SLC25A12: variants seen among roughly 807,000 people sequenced by gnomAD.
The protein encoded by SLC25A12 is electrogenic aspartate/glutamate antiporter SLC25A12, mitochondrial.
In SLC25A12, 32 loss-of-function variants were observed where a neutral mutation model predicts 83.3. The observed-to-expected ratio is 0.38, with a 90% CI of 0.29 to 0.52. The LOEUF is 0.52. Among genes scored for constraint, SLC25A12 ranks in the 20% least tolerant of loss-of-function variants. The pLI, the probability that SLC25A12 is intolerant of heterozygous loss-of-function variation, is 0.84. For missense variants in SLC25A12, 611 were observed against 835.6 expected (o/e 0.73, Z 3.31); for synonymous variants, 267 against 291.1 (o/e 0.92, Z 0.84).
intron 3 of SLC25A12, among the ~76,000 whole-genome samples, chr2:171,863,866 A>G (rs949302599): frequency 5.3e-5 from 8 of 152,356 alleles, no homozygotes; most frequent in East Asian, 3.9e-4. Flanking sequence ...GTGATTTATC[A>G]GTTGATATAT....
At chr2:171,816,803 C>T (rs906772992) in intron 9 of SLC25A12, among the ~76,000 whole-genome samples, 1 of 152,174 alleles carries the variant, frequency 6.6e-6, no homozygotes, top group Admixed American at 6.5e-5. Context: ...TCTGTCCTTT[C>T]AAGGCAATGA....
intron 13 of SLC25A12, among the ~76,000 whole-genome samples, chr2:171,795,758 C>CT (rs1042249943): frequency 2.0e-5 from 3 of 151,908 alleles, no homozygotes; most frequent in Non-Finnish European, 4.4e-5. Flanking sequence ...GGCAGGAGTA[C>CT]TCCAATCCGT....
At position 171,875,246 on chromosome 2, in the gene SLC25A12, G is replaced by C. The variant is rs564389252; in HGVS notation, c.67-6423C>G. Among the ~76,000 whole-genome samples, 766 of 152,324 alleles carry C rather than the reference G, an allele frequency of 5.0e-3. 4 individuals are homozygous for C. Among genetic ancestry groups the C allele is most frequent in the Non-Finnish European group, 9.3e-3 (635 of 68,034 alleles). On this transcript the variant is annotated intron_variant, in intron 2 of 17. Transcript: ENST00000422440. ...GGGAACCTCTAGGAAGTATTTGGACGCGAGAAGTTTCTGTATCCAGGCCCT... is the reference window on the plus strand; with the variant it reads ...GGGAACCTCTAGGAAGTATTTGGACCCGAGAAGTTTCTGTATCCAGGCCCT...
At chr2:171,804,596 G>T (rs1683783551) in intron 13 of SLC25A12, among the ~76,000 whole-genome samples, 1 of 152,172 alleles carries the variant, frequency 6.6e-6, no homozygotes, top group Non-Finnish European at 1.5e-5. Context: ...TGGTGAATTT[G>T]TAAAAACAGA....
intron 4 of SLC25A12, among the ~76,000 whole-genome samples, chr2:171,847,020 A>G (rs1328522276): frequency 6.6e-6 from 1 of 152,110 alleles, no homozygotes; most frequent in African/African-American, 2.4e-5. Flanking sequence ...CAGAAGTGTC[A>G]TTTTCCATGA....
rs189487199 is a variant in SLC25A12 at position 171,837,934 on chromosome 2, C to T, written c.466-667G>A. Among the ~76,000 whole-genome samples, 194 of 152,310 alleles carry T rather than the reference C, an allele frequency of 1.3e-3. 2 individuals carry two copies. Among genetic ancestry groups the T allele is most frequent in the African/African-American group, 4.4e-3 (182 of 41,570 alleles). On this transcript the variant is annotated intron_variant, in intron 5 of 17. Coordinates refer to ENST00000422440, the MANE Select transcript of SLC25A12 (RefSeq NM_003705.5). The stretch of plus-strand genomic sequence containing the variant: ...TAAGACAGTCCAGAATATCTCTGAA[C>T]TTTTGAACTATTGGGCAACCAAACT...
At position 171,793,749 on chromosome 2, in the gene SLC25A12, T is replaced by C. The variant is rs776760815; in HGVS notation, c.1324A>G (p.Ile442Val). 2.5e-6 allele frequency: 4 copies of C among 1,613,948 alleles called. No individual in the cohort carries two copies. In the East Asian group the frequency reaches 6.7e-5, roughly 27 times the overall value. ...AGGCAGGSQV[I>V]FTNPLEIVKI... ...ACTATCTCCAATGGGTTGGTAAAAA[T>C]GACCTGAGAGCCTCCAGCCTGTAGG... The change falls in exon 14 of 18, where the codon ATT (isoleucine) becomes GTT (valine). Residue 442 changes from isoleucine (I) to valine (V), a missense_variant. This residue lies in a region of SLC25A12 where 540 missense variants were observed against 777.5 expected (regional missense o/e 0.69). Coordinates refer to ENST00000422440, the MANE Select transcript of SLC25A12 (RefSeq NM_003705.5).
At chr2:171,816,574 T>C (rs767424060) in intron 9 of SLC25A12, among the ~76,000 whole-genome samples, 71 of 152,130 alleles carry the variant, frequency 4.7e-4, no homozygotes, top group Non-Finnish European at 7.9e-4. Context: ...TTTTTTATTG[T>C]TGTAGTGTTA....
intron 3 of SLC25A12, among the ~76,000 whole-genome samples, chr2:171,861,922 C>A (rs2105910908): frequency 6.6e-6 from 1 of 152,254 alleles, no homozygotes; most frequent in South Asian, 2.1e-4. Context: ...CATTGTCTGA[C>A]TTTTTAGAAA....
chr2:171,854,436 G>A (rs961640580), intron 4 of SLC25A12, among the ~76,000 whole-genome samples: 4 of 152,014 alleles, frequency 2.6e-5, no homozygotes, highest in Non-Finnish European at 4.4e-5. Context: ...GCATGGTGGC[G>A]CATGCCTGTA....
chr2:171,866,511 C>G (rs1231232149), intron 3 of SLC25A12, among the ~76,000 whole-genome samples: 21 of 145,226 alleles, frequency 1.4e-4, no homozygotes, highest in East Asian at 1.1e-3. Flanking sequence ...GGCAGAGGGG[C>G]TCCTCACTTC....
chr2:171,870,540 G>A (rs1203527956), intron 2 of SLC25A12, among the ~76,000 whole-genome samples: 1 of 152,102 alleles, frequency 6.6e-6, no homozygotes, highest in African/African-American at 2.4e-5. Context: ...AGGATTGCTT[G>A]AGCCTAGGAG....
intron 5 of SLC25A12, among the ~76,000 whole-genome samples, chr2:171,842,647 A>G (rs1301240072): frequency 6.6e-6 from 1 of 152,124 alleles, no homozygotes; most frequent in African/African-American, 2.4e-5. Context: ...AATATCCATA[A>G]TAGGTAAATC....
intron 2 of SLC25A12, among the ~76,000 whole-genome samples, chr2:171,883,581 T>C (rs1013884233): frequency 6.6e-6 from 1 of 151,368 alleles, no homozygotes; most frequent in East Asian, 1.9e-4. Flanking sequence ...TTTACCCCCA[T>C]ACTTAATTAC....
intron 13 of SLC25A12, among the ~76,000 whole-genome samples, chr2:171,798,211 A>C (rs1474928462): frequency 6.6e-6 from 1 of 152,200 alleles, no homozygotes; most frequent in Admixed American, 6.5e-5. Context: ...AAATCAACTA[A>C]AGCTGACAGC....
At chr2:171,812,919 C>G (rs1001064770) in intron 11 of SLC25A12, among the ~76,000 whole-genome samples, 24 of 150,566 alleles carry the variant, frequency 1.6e-4, no homozygotes, top group African/African-American at 5.9e-4. Flanking sequence ...GGAGGGTAAA[C>G]TCATCTTTGA....
At chr2:171,860,963 C>T (rs1014163241) in intron 3 of SLC25A12, among the ~76,000 whole-genome samples, 1 of 151,848 alleles carries the variant, frequency 6.6e-6, no homozygotes, top group Non-Finnish European at 1.5e-5. Flanking sequence ...ATGAGGCAGG[C>T]GCCTGTGGTC....
intron 4 of SLC25A12, 152 bp downstream of exon 4, chr2:171,855,682 A>G: frequency 1.5e-6 from 1 of 673,084 alleles, no homozygotes; most frequent in East Asian, 2.5e-5. Flanking sequence ...TTGAAAAAAT[A>G]AAGCCATCAT....
intron 8 of SLC25A12, among the ~76,000 whole-genome samples, chr2:171,833,125 C>T (rs570184571): frequency 6.6e-6 from 1 of 152,234 alleles, no homozygotes; most frequent in African/African-American, 2.4e-5. Context: ...TTCAAATGAT[C>T]ATGCAGCAGG....
Sources: allele counts gnomAD v4.1 joint callset (sites outside exome capture counted in the v4.1 genomes callset), GRCh38; gene constraint gnomAD v4.1.1; regional missense constraint gnomAD v4.1.1; transcripts MANE v1.5; gene names NCBI Gene and HGNC (gene_info 2026-07-23, HGNC 2026-07-21).